ANKRD44: variants seen among roughly 807,000 people sequenced by gnomAD.
ANKRD44 encodes the protein ankyrin repeat domain 44, also known as serine/threonine-protein phosphatase 6 regulatory ankyrin repeat subunit B.
In ANKRD44, 35 loss-of-function variants were observed where a neutral mutation model predicts 116.0. The ratio of observed to expected loss-of-function variants is 0.30; its 90% CI spans 0.23 to 0.40. ANKRD44 has a LOEUF of 0.40. Among genes scored for constraint, ANKRD44 ranks in the 10% least tolerant of loss-of-function variants. ANKRD44 has a pLI of 1.00. For missense variants in ANKRD44, 1,014 were observed against 1,242.6 expected (o/e 0.82, Z 2.77); for synonymous variants, 435 against 461.8 (o/e 0.94, Z 0.74).
intron 1 of ANKRD44, among the ~76,000 whole-genome samples, chr2:197,248,895 T>C (rs576867430): frequency 6.0e-4 from 91 of 152,214 alleles, no homozygotes; most frequent in African/African-American, 2.0e-3. Context: ...GAACTAATAG[T>C]TTTAGCTATG....
chr2:197,156,195 A>T (rs905360907), intron 2 of ANKRD44, among the ~76,000 whole-genome samples: 2 of 152,112 alleles, frequency 1.3e-5, no homozygotes, highest in Admixed American at 6.5e-5. Context: ...AAATACAAAA[A>T]ATTAGCCGGG....
At chr2:197,211,788 G>A (rs1453044147) in intron 1 of ANKRD44, among the ~76,000 whole-genome samples, 3 of 151,898 alleles carry the variant, frequency 2.0e-5, no homozygotes, top group Middle Eastern at 3.4e-3. Context: ...GATGCAGCAG[G>A]TTATAAACCA....
chr2:197,243,551 T>C (rs2082131914), intron 1 of ANKRD44, among the ~76,000 whole-genome samples: 1 of 152,226 alleles, frequency 6.6e-6, no homozygotes, highest in Admixed American at 6.5e-5. Flanking sequence ...TTAGTCCACT[T>C]GAGTTGCTAT....
intron 16 of ANKRD44, among the ~76,000 whole-genome samples, chr2:197,076,165 T>C (rs1344024566): frequency 6.6e-6 from 1 of 152,178 alleles, no homozygotes; most frequent in Non-Finnish European, 1.5e-5. Context: ...GAAGCTCAAA[T>C]AACCTATGAA....
intron 16 of ANKRD44, among the ~76,000 whole-genome samples, chr2:197,031,073 A>C (rs771733387): frequency 1.8e-4 from 28 of 152,180 alleles, no homozygotes; most frequent in Non-Finnish European, 3.8e-4. Context: ...ACTTTCTAAA[A>C]ATCTACTTTA....
chr2:197,040,190 G>C (rs1043447703), intron 16 of ANKRD44, among the ~76,000 whole-genome samples: 14 of 151,052 alleles, frequency 9.3e-5, no homozygotes, highest in African/African-American at 3.4e-4. Flanking sequence ...ATTGAGCTGA[G>C]ATCACGTCAC....
chr2:197,112,742 A>AG (rs1223672035), intron 8 of ANKRD44, among the ~76,000 whole-genome samples: 33 of 151,864 alleles, frequency 2.2e-4, no homozygotes, highest in South Asian at 1.2e-3. Flanking sequence ...AAAAGAAAAA[A>AG]AAAGAAAGAA....
downstream of ANKRD44, among the ~76,000 whole-genome samples, chr2:196,984,871 T>C (rs2075825968): frequency 6.6e-6 from 1 of 152,264 alleles, no homozygotes; most frequent in Admixed American, 6.5e-5. Flanking sequence ...AAATGGCTCC[T>C]AGTAATTGCT....
intron 3 of ANKRD44, among the ~76,000 whole-genome samples, chr2:197,143,446 C>A (rs752946633): frequency 6.8e-6 from 1 of 146,544 alleles, no homozygotes; most frequent in South Asian, 2.2e-4. Context: ...TCAGAACATG[C>A]GGTGTTTGGT....
chr2:197,105,477 A>T (rs2078404103), intron 9 of ANKRD44, among the ~76,000 whole-genome samples: 2 of 152,208 alleles, frequency 1.3e-5, no homozygotes, highest in Non-Finnish European at 2.9e-5. Context: ...ATAATTAAAT[A>T]TCTTTACATA....
chr2:197,230,507 T>C (rs1247376864), intron 1 of ANKRD44, among the ~76,000 whole-genome samples: 1 of 152,168 alleles, frequency 6.6e-6, no homozygotes, highest in African/African-American at 2.4e-5. Flanking sequence ...GAACTGCCTA[T>C]GATGGGGTCT....
intron 20 of ANKRD44, 96 bp from the exon 21 acceptor site, chr2:197,006,006 T>C (rs1321239051): frequency 8.9e-7 from 1 of 1,127,144 alleles, no homozygotes; most frequent in East Asian, 2.4e-5. Context: ...CAAGTGGACA[T>C]ATGCCTGGGT....
chr2:196,968,969 T>A (rs536350966), intron 21 of ANKRD44, among the ~76,000 whole-genome samples: 4 of 152,326 alleles, frequency 2.6e-5, no homozygotes, highest in Non-Finnish European at 5.9e-5. Context: ...AATACTGATT[T>A]TGAAACCTGG....
intron 1 of ANKRD44, among the ~76,000 whole-genome samples, chr2:197,281,877 T>C (rs941215489): frequency 1.3e-5 from 2 of 152,190 alleles, no homozygotes; most frequent in African/African-American, 2.4e-5. Flanking sequence ...CAGTGAACTT[T>C]TTATATTGTG....
At chr2:196,985,579 T>C (rs1477282439), downstream of ANKRD44, among the ~76,000 whole-genome samples, 4 of 152,322 alleles carry the variant, frequency 2.6e-5, no homozygotes, top group South Asian at 8.3e-4. Context: ...AGAGAGAACA[T>C]CTAGAGGCAG....
Position 197,004,609 on chromosome 2 carries a change from T to C in ANKRD44, c.2347+1085A>G, listed in dbSNP as rs568823318. Among the ~76,000 whole-genome samples, 9 of 152,260 alleles carry C rather than the reference T, an allele frequency of 5.9e-5. No individual in the cohort carries two copies. In the East Asian group the frequency reaches 1.7e-3, roughly 29 times the overall value. Reference sequence around the variant, plus strand: ...AAATCGACAAAAATTTAAAAAGGTGTTATTCTGGGTTGGCAAGCATGAGGA... The same window carrying C: ...AAATCGACAAAAATTTAAAAAGGTGCTATTCTGGGTTGGCAAGCATGAGGA... On this transcript the variant is annotated intron_variant, in intron 21 of 27. Transcript: ENST00000282272.
At chr2:196,984,181 C>G (rs537328942), downstream of ANKRD44, among the ~76,000 whole-genome samples, 5 of 152,162 alleles carry the variant, frequency 3.3e-5, no homozygotes, top group South Asian at 2.1e-4. Context: ...AATAGGTGAG[C>G]AGTGGGGTAG....
intron 16 of ANKRD44, among the ~76,000 whole-genome samples, chr2:197,052,386 CGT>C (rs2077125300): frequency 1.3e-5 from 2 of 152,048 alleles, no homozygotes; most frequent in African/African-American, 4.8e-5. Flanking sequence ...AAATACCTTC[CGT>C]GTTGTGACAT....
At chr2:197,109,566 T>C (rs2078516717) in intron 9 of ANKRD44, among the ~76,000 whole-genome samples, 1 of 152,236 alleles carries the variant, frequency 6.6e-6, no homozygotes, top group African/African-American at 2.4e-5. Context: ...CTTTGTTTTA[T>C]GTCTTAAGTG....
Sources: allele counts gnomAD v4.1 joint callset (sites outside exome capture counted in the v4.1 genomes callset), GRCh38; gene constraint gnomAD v4.1.1; transcripts MANE v1.5; gene names NCBI Gene and HGNC (gene_info 2026-07-23, HGNC 2026-07-21).